ORC4: variants seen among roughly 807,000 people sequenced by gnomAD.
The protein encoded by ORC4 is origin recognition complex, subunit 4 homolog.
In ORC4, 55 loss-of-function variants were observed where a neutral mutation model predicts 63.9. The observed-to-expected ratio is 0.86, with a 90% confidence interval of 0.69 to 1.08. The LOEUF is 1.08. Among genes scored for constraint, ORC4 ranks in the 50% least tolerant of loss-of-function variants. The pLI is 0.00. For missense variants in ORC4, 511 were observed against 504.4 expected (o/e 1.01, Z -0.13); for synonymous variants, 150 against 168.5 (o/e 0.89, Z 0.85).
At chr2:147,961,054 T>C (rs1293395030) in intron 4 of ORC4, among the ~76,000 whole-genome samples, 1 of 152,174 alleles carries the variant, frequency 6.6e-6, no homozygotes. Flanking sequence ...TATAGTGTTT[T>C]AAATATACTA....
At chr2:148,006,833 C>G (rs1029708998) in intron 1 of ORC4, among the ~76,000 whole-genome samples, 2 of 152,208 alleles carry the variant, frequency 1.3e-5, no homozygotes, top group African/African-American at 4.8e-5. Context: ...TGCAATGCTT[C>G]AGAGGCAACT....
intron 10 of ORC4, among the ~76,000 whole-genome samples, chr2:147,941,997 A>T (rs746974618): frequency 3.1e-4 from 47 of 152,138 alleles, no homozygotes; most frequent in Admixed American, 5.2e-4. Context: ...CACAAACTTG[A>T]AGCCAGAGAG....
At chr2:148,015,279 T>C (rs539298092) in intron 1 of ORC4, among the ~76,000 whole-genome samples, 5 of 151,722 alleles carry the variant, frequency 3.3e-5, no homozygotes, top group South Asian at 4.1e-4. Context: ...GGTTTTTGCA[T>C]TGTTGGAATT....
intron 1 of ORC4, among the ~76,000 whole-genome samples, chr2:147,995,887 C>G (rs1048650848): frequency 7.9e-5 from 12 of 151,862 alleles, no homozygotes; most frequent in Admixed American, 2.6e-4. Context: ...AAATTCCAGA[C>G]ACATCGGGAA....
At chr2:147,960,419 G>A (rs1204664887) in intron 4 of ORC4, 2 of 826,490 alleles carry the variant, frequency 2.4e-6, no homozygotes, top group Non-Finnish European at 2.9e-6. Context: ...CTTTTTTCTT[G>A]AATATGTTAT....
chr2:147,940,216 G>A (rs972199977), intron 10 of ORC4, among the ~76,000 whole-genome samples: 1 of 151,790 alleles, frequency 6.6e-6, no homozygotes, highest in Non-Finnish European at 1.5e-5. Context: ...ATTGTGGTAT[G>A]GGTGGTATTT....
chr2:147,979,114 G>A (rs532219929), intron 1 of ORC4, among the ~76,000 whole-genome samples: 61 of 152,012 alleles, frequency 4.0e-4, no homozygotes, highest in Non-Finnish European at 6.3e-4. Flanking sequence ...CTAGCCAGAG[G>A]AATTAGGTAA....
chr2:147,987,912 G>A (rs1232245161), intron 1 of ORC4, among the ~76,000 whole-genome samples: 2 of 151,906 alleles, frequency 1.3e-5, no homozygotes, highest in East Asian at 3.9e-4. Flanking sequence ...AATTAGCCAG[G>A]TGTGGTGGCC....
intron 11 of ORC4, chr2:147,938,641 G>C: frequency 2.2e-6 from 1 of 451,564 alleles, no homozygotes; most frequent in South Asian, 2.4e-5. Flanking sequence ...ACAAAGATTG[G>C]CGAAATATTA....
rs75602196 is a variant in ORC4, at chr2:147,961,118, T to C, written c.226-2252A>G. On this transcript the variant is annotated intron_variant, in intron 4 of 13. Transcript: ENST00000392857. Reference sequence around the variant, plus strand: ...AACAAACAAACATAAGACTACAGTCTTATGTTTTAAAATTTGAATTTATAT... The same window carrying C: ...AACAAACAAACATAAGACTACAGTCCTATGTTTTAAAATTTGAATTTATAT... Among the ~76,000 whole-genome samples the C allele has an allele frequency of 2.7e-3, 407 of 152,176 alleles. 16 individuals are homozygous for C. The East Asian group carries it at 0.068, about 26-fold the overall frequency.
At chr2:147,964,059 G>A (rs1303534357) in intron 4 of ORC4, among the ~76,000 whole-genome samples, 1 of 152,002 alleles carries the variant, frequency 6.6e-6, no homozygotes. Flanking sequence ...ACATAAAAAA[G>A]CAAGAAAACA....
chr2:148,017,205 T>C (rs1287526103), intron 1 of ORC4, among the ~76,000 whole-genome samples: 1 of 152,198 alleles, frequency 6.6e-6, no homozygotes, highest in South Asian at 2.1e-4. Context: ...TTGTTCACAC[T>C]AAAAGAAAAC....
In ORC4 at chr2:147,935,466, C is replaced by T; in HGVS notation, c.*44G>A. On this transcript the variant is annotated 3_prime_UTR_variant, in exon 14 of 14. Transcript: ENST00000392857. ...ATGGACAATAGTTTTCCGTTCTCTA[C>T]AGAAGTATGAATGAAATGCCAAAGT... 2.1e-6 allele frequency: 3 copies of T among 1,409,702 alleles called. No individual in the cohort carries two copies. The highest frequency in any genetic ancestry group is 3.0e-6 in the Non-Finnish European group (3 of 994,142). 87.3% of individuals were successfully genotyped at this position (1,409,702 alleles called of 1,614,324 possible).
intron 1 of ORC4, among the ~76,000 whole-genome samples, chr2:147,997,270 G>A (rs1692027950): frequency 6.6e-6 from 1 of 152,054 alleles, no homozygotes; most frequent in Admixed American, 6.5e-5. Flanking sequence ...GAGAAGTATG[G>A]AACATGAGAT....
In ORC4 at chr2:147,973,447, CTTGTA is replaced by C; in HGVS notation, c.130_134del (p.Tyr44ThrfsTer4). Reference sequence around the variant, plus strand: ...ACAGTCAAGAGGACAGCTAGACTTACTTGTATTGTACTTGCACTCCAAATAGGTTA... The same window carrying C: ...ACAGTCAAGAGGACAGCTAGACTTACTTGTACTTGCACTCCAAATAGGTTA... On this transcript the variant is annotated frameshift_variant and splice_region_variant, in exon 3 of 14. Transcript: ENST00000392857. LOFTEE classifies it high-confidence loss of function. The C allele has an allele frequency of 1.3e-6, 2 of 1,583,108 alleles. No homozygotes were observed. Among genetic ancestry groups the C allele is most frequent in the Non-Finnish European group, 1.7e-6 (2 of 1,152,074 alleles).
intron 1 of ORC4, among the ~76,000 whole-genome samples, chr2:148,015,166 C>G (rs1693198488): frequency 6.7e-6 from 1 of 149,868 alleles, no homozygotes; most frequent in African/African-American, 2.5e-5. Flanking sequence ...AGTGAAACAG[C>G]AGAAAAATTA....
chr2:147,945,129 TGTG>T, intron 9 of ORC4, among the ~76,000 whole-genome samples: 1 of 152,228 alleles, frequency 6.6e-6, no homozygotes, highest in East Asian at 1.9e-4. Context: ...TAAAAGTTGA[TGTG>T]GTAAAATCGG....
intron 1 of ORC4, among the ~76,000 whole-genome samples, chr2:148,001,031 G>C (rs1410607592): frequency 2.0e-5 from 3 of 152,184 alleles, no homozygotes; most frequent in South Asian, 4.1e-4. Context: ...AAAAGTTTTA[G>C]AAGTATTTCC....
chr2:148,020,720 G>C lies in ORC4; in HGVS notation c.-105C>G, dbSNP rs1303437928. 1 of 152,330 alleles carries C rather than the reference G, an allele frequency of 6.6e-6. No individual in the cohort carries two copies. Among genetic ancestry groups the C allele is most frequent in the Non-Finnish European group, 1.5e-5 (1 of 68,196 alleles). 9.4% of individuals were successfully genotyped at this position (152,330 alleles called of 1,614,324 possible). A position where few individuals can be genotyped will look rare whatever the true frequency, so the allele number is the denominator to read the frequency against. ...TCTGCTAGACTTCACCTGCCGCTGC[G>C]GACCGTACACAACCACTCCCGGCAT... is the stretch of plus-strand genomic sequence containing the variant. On this transcript the variant is annotated 5_prime_UTR_variant, in exon 1 of 14. Coordinates refer to ENST00000392857, the MANE Select transcript of ORC4 (RefSeq NM_181741.4).
Sources: gnomAD v4.1 joint callset for allele counts (sites outside exome capture counted in the v4.1 genomes callset) on GRCh38, gnomAD v4.1.1 for gene constraint, MANE v1.5 for transcripts, NCBI Gene and HGNC (gene_info 2026-07-23, HGNC 2026-07-21) for gene names.